RBFOX1: variants seen among roughly 807,000 people sequenced by gnomAD.
RBFOX1 encodes RNA binding protein fox-1 homolog 1.
RBFOX1 carries 8 observed loss-of-function variants against 57.7 expected under a neutral mutation model. That is an observed-to-expected ratio of 0.14 (90% CI 0.08 to 0.25). The LOEUF is 0.25. Ranked by LOEUF, RBFOX1 falls within the 10% of genes least tolerant of loss-of-function variation. The pLI, the probability that RBFOX1 is intolerant of heterozygous loss-of-function variation, is 1.00. For missense variants in RBFOX1, 611 were observed against 548.5 expected (o/e 1.11, Z -1.14); for synonymous variants, 326 against 222.4 (o/e 1.47, Z -4.15).
At chr16:7,276,666 A>C (rs1603474452) in intron 4 of RBFOX1, among the ~76,000 whole-genome samples, 1 of 152,178 alleles carries the variant, frequency 6.6e-6, no homozygotes, top group East Asian at 1.9e-4. Context: ...TACCTCTCCC[A>C]ACCTCAGTTC....
At chr16:5,734,288 C>G (rs1359736151) in intron 3 of RBFOX1, among the ~76,000 whole-genome samples, 2 of 151,780 alleles carry the variant, frequency 1.3e-5, no homozygotes, top group South Asian at 4.2e-4. Context: ...ACAGAGACCC[C>G]ACGTCTACAC....
intron 4 of RBFOX1, among the ~76,000 whole-genome samples, chr16:5,926,370 C>T (rs1597819643): frequency 6.6e-6 from 1 of 152,152 alleles, no homozygotes; most frequent in East Asian, 1.9e-4. Flanking sequence ...TCTTAATCAG[C>T]TTCCTAGGGA....
chr16:6,827,255 T>C (rs923904040), intron 3 of RBFOX1, among the ~76,000 whole-genome samples: 3 of 152,138 alleles, frequency 2.0e-5, no homozygotes, highest in African/African-American at 7.2e-5. Context: ...AGTTCTTCTC[T>C]TCAATATGAT....
intron 2 of RBFOX1, among the ~76,000 whole-genome samples, chr16:6,497,237 A>G (rs950016345): frequency 2.0e-5 from 3 of 152,200 alleles, no homozygotes; most frequent in Non-Finnish European, 4.4e-5. Flanking sequence ...GGCTGGAGAA[A>G]GAGGAGGAGC....
At chr16:6,522,705 A>G (rs2096525086) in intron 2 of RBFOX1, among the ~76,000 whole-genome samples, 1 of 152,162 alleles carries the variant, frequency 6.6e-6, no homozygotes, top group South Asian at 2.1e-4. Flanking sequence ...ACAGTGAACC[A>G]TAAGAAGGGA....
intron 3 of RBFOX1, among the ~76,000 whole-genome samples, chr16:6,800,830 C>G (rs905441568): frequency 6.6e-6 from 1 of 152,026 alleles, no homozygotes; most frequent in Non-Finnish European, 1.5e-5. Context: ...AAATAGCATA[C>G]AAAATGGAAG....
intron 2 of RBFOX1, among the ~76,000 whole-genome samples, chr16:5,534,848 C>T (rs1403821711): frequency 6.6e-6 from 1 of 152,170 alleles, no homozygotes; most frequent in Non-Finnish European, 1.5e-5. Flanking sequence ...AACTATCACA[C>T]ATACAGTAGG....
chr16:6,301,840 C>T (rs1005611129), intron 1 of RBFOX1, among the ~76,000 whole-genome samples: 1 of 152,134 alleles, frequency 6.6e-6, no homozygotes, highest in African/African-American at 2.4e-5. Context: ...TATATGCAAG[C>T]ATTTCGTGAA....
intron 2 of RBFOX1, among the ~76,000 whole-genome samples, chr16:5,501,431 C>A (rs1316365021): frequency 6.6e-6 from 1 of 151,730 alleles, no homozygotes; most frequent in Non-Finnish European, 1.5e-5. Context: ...TATGCGGACG[C>A]CCTGTCGATC....
chr16:5,448,112 G>T (rs1200300588), intron 1 of RBFOX1, among the ~76,000 whole-genome samples: 4 of 152,166 alleles, frequency 2.6e-5, no homozygotes, highest in African/African-American at 4.8e-5. Context: ...TTGACATCCT[G>T]TTCTTAAATT....
At position 7,301,669 on chromosome 16, in the gene RBFOX1, C is replaced by T. The variant is rs140374867; in HGVS notation, c.28-216478C>T. Among the ~76,000 whole-genome samples the T allele has an allele frequency of 1.1e-3, 174 of 152,114 alleles. 1 individual carries two copies. The highest frequency in any genetic ancestry group is 4.0e-3 in the African/African-American group (165 of 41,494). ...GTGCCATGTATTATGTATCATGTTT[C>T]TTATGAAAATGAGCTGAAGGAAAAA... On this transcript the variant is annotated intron_variant, in intron 4 of 15. Transcript: ENST00000550418.
At chr16:5,932,045 C>G (rs527639957) in intron 4 of RBFOX1, among the ~76,000 whole-genome samples, 1 of 152,240 alleles carries the variant, frequency 6.6e-6, no homozygotes, top group South Asian at 2.1e-4. Context: ...CTCAAGCAGT[C>G]CTCCCGCCTT....
chr16:6,795,917 A>C (rs951636083), intron 3 of RBFOX1, among the ~76,000 whole-genome samples: 8 of 151,982 alleles, frequency 5.3e-5, no homozygotes, highest in African/African-American at 1.9e-4. Context: ...TATTGTGTTT[A>C]CCTGTCAGTG....
At chr16:5,985,022 G>T (rs201328492) in intron 4 of RBFOX1, among the ~76,000 whole-genome samples, 1 of 121,312 alleles carries the variant, frequency 8.2e-6, no homozygotes, top group Admixed American at 1.0e-4. Flanking sequence ...TCACTCTGTC[G>T]CCCAGGCTGG....
intron 3 of RBFOX1, among the ~76,000 whole-genome samples, chr16:5,802,161 T>C (rs2055080246): frequency 6.6e-6 from 1 of 152,164 alleles, no homozygotes; most frequent in Non-Finnish European, 1.5e-5. Context: ...CCTTACTCCA[T>C]GCCCTCAATT....
At chr16:5,400,615 A>C (rs867343351) in intron 1 of RBFOX1, among the ~76,000 whole-genome samples, 3 of 152,250 alleles carry the variant, frequency 2.0e-5, no homozygotes, top group African/African-American at 7.2e-5. Flanking sequence ...ATAATATTCC[A>C]TATTATGCCT....
At chr16:7,594,484 A>T (rs922190854) in intron 7 of RBFOX1, among the ~76,000 whole-genome samples, 3 of 152,204 alleles carry the variant, frequency 2.0e-5, no homozygotes, top group African/African-American at 7.2e-5. Flanking sequence ...AAATATTTTT[A>T]GGGGCTTTAA....
chr16:6,070,167 AC>A (rs2095818321), intron 1 of RBFOX1, among the ~76,000 whole-genome samples: 1 of 152,180 alleles, frequency 6.6e-6, no homozygotes. Flanking sequence ...GTACAACTAA[AC>A]TTTTCAGAAA....
At position 6,653,864 on chromosome 16, in the gene RBFOX1, G is replaced by A. The variant is rs116694364; in HGVS notation, c.-63-739G>A. ...GATGATTGGATAGATGGGGATGGCT[G>A]GGTGGATAGCTGGATGGATGAATGG... On this transcript the variant is annotated intron_variant, in intron 2 of 15. Coordinates refer to ENST00000550418, the MANE Select transcript of RBFOX1 (RefSeq NM_018723.4). Among the ~76,000 whole-genome samples the A allele has an allele frequency of 7.6e-3, 1,148 of 151,846 alleles. 13 individuals are homozygous for A. Among genetic ancestry groups the A allele is most frequent in the African/African-American group, 0.026 (1,090 of 41,362 alleles).
Sources: allele counts gnomAD v4.1 joint callset (sites outside exome capture counted in the v4.1 genomes callset), GRCh38; gene constraint gnomAD v4.1.1; transcripts MANE v1.5; gene names NCBI Gene and HGNC (gene_info 2026-07-23, HGNC 2026-07-21).